LPP: variants seen among roughly 807,000 people sequenced by gnomAD.
LPP encodes the protein lipoma-preferred partner.
LPP carries 38 observed loss-of-function variants against 60.4 expected under a neutral mutation model. That is an observed-to-expected ratio of 0.63 (90% confidence interval 0.49 to 0.83). The LOEUF (loss-of-function observed/expected upper bound fraction) is 0.83, where lower values mean the gene tolerates loss of function less well. LPP is among the 40% of genes least tolerant of loss of function. LPP has a pLI of 0.00. For synonymous variants in LPP, 328 were observed against 290.8 expected, an observed-to-expected ratio of 1.13 and a Z score of -1.30; for missense variants, 902 against 783.6, an observed-to-expected ratio of 1.15 and a Z score of -1.80.
chr3:188,163,167 A>G (rs1718829071), intron 1 of LPP, among the ~76,000 whole-genome samples: 1 of 151,952 alleles, frequency 6.6e-6, no homozygotes, highest in African/African-American at 2.4e-5. Context: ...GTCTGCTTCT[A>G]CTGTTGTAAT....
intron 4 of LPP, among the ~76,000 whole-genome samples, chr3:188,423,768 T>C (rs1788512338): frequency 6.6e-6 from 1 of 152,144 alleles, no homozygotes; most frequent in Non-Finnish European, 1.5e-5. Context: ...GTTGGCCACA[T>C]AAATATCCTT....
chr3:188,541,483 G>GA (rs1473226342), intron 6 of LPP, among the ~76,000 whole-genome samples: 1 of 151,360 alleles, frequency 6.6e-6, no homozygotes, highest in African/African-American at 2.4e-5. Context: ...TCTAGAGGAG[G>GA]AAAAACCATA....
At chr3:188,480,112 C>T (rs980825950) in intron 4 of LPP, among the ~76,000 whole-genome samples, 13 of 152,312 alleles carry the variant, frequency 8.5e-5, no homozygotes, top group African/African-American at 2.6e-4. Flanking sequence ...ATCCTTTTTA[C>T]CCCTAGATTA....
intron 8 of LPP, among the ~76,000 whole-genome samples, chr3:188,715,097 A>G (rs1446882674): frequency 6.6e-6 from 1 of 152,110 alleles, no homozygotes; most frequent in African/African-American, 2.4e-5. Context: ...AGATACTTAA[A>G]AAGAACAAGG....
At position 188,283,776 on chromosome 3, in the gene LPP, G is replaced by A. The variant is rs144654484; in HGVS notation, c.-66-57887G>A. On this transcript the variant is annotated intron_variant, in intron 2 of 11. Coordinates refer to ENST00000617246, the MANE Select transcript of LPP (RefSeq NM_001375462.1). ...TATTAGGAAGGGTTGTCAGGAGTTC[G>A]AGACTAGCCTGACCAACACGGTGAA... Among the ~76,000 whole-genome samples, 30 of 152,158 alleles carry A rather than the reference G, an allele frequency of 2.0e-4. No homozygotes were observed. In the East Asian group the frequency reaches 3.7e-3, roughly 19 times the overall value.
chr3:188,631,305 C>G (rs1026984735), intron 7 of LPP, among the ~76,000 whole-genome samples: 2 of 152,112 alleles, frequency 1.3e-5, no homozygotes, highest in African/African-American at 4.8e-5. Flanking sequence ...ATCTGCACAA[C>G]TTTTATTAGT....
At chr3:188,393,123 C>T (rs924889210) in intron 3 of LPP, among the ~76,000 whole-genome samples, 2 of 151,152 alleles carry the variant, frequency 1.3e-5, no homozygotes, top group African/African-American at 4.9e-5. Flanking sequence ...CTGATAATCT[C>T]GTATGTGTGG....
intron 9 of LPP, among the ~76,000 whole-genome samples, chr3:188,797,050 G>A (rs901151519): frequency 6.6e-6 from 1 of 152,066 alleles, no homozygotes; most frequent in Non-Finnish European, 1.5e-5. Flanking sequence ...CAACAAATTG[G>A]TTGGTTTTAT....
chr3:188,170,783 T>A (rs956663931), intron 1 of LPP, among the ~76,000 whole-genome samples: 1 of 152,214 alleles, frequency 6.6e-6, no homozygotes, highest in Non-Finnish European at 1.5e-5. Flanking sequence ...CTTATTCATC[T>A]GAATCATCTT....
intron 6 of LPP, among the ~76,000 whole-genome samples, chr3:188,533,460 G>T (rs1265783352): frequency 6.6e-6 from 1 of 152,110 alleles, no homozygotes; most frequent in Non-Finnish European, 1.5e-5. Context: ...AAAGAAAATA[G>T]GTGTGGATAG....
rs56854923 is a variant in LPP, at chr3:188,599,588, C to T, written c.430-9573C>T. 5.1e-3 allele frequency among the ~76,000 whole-genome samples: 783 copies of T among 152,186 alleles called. 6 individuals carry two copies. Among genetic ancestry groups the T allele is most frequent in the African/African-American group, 0.018 (756 of 41,526 alleles). Reference sequence around the variant, plus strand: ...ACAAAAACTGCTCTGAAGTGCCACACCAGACTATACTGTTTTAACTATTTC... The same window carrying T: ...ACAAAAACTGCTCTGAAGTGCCACATCAGACTATACTGTTTTAACTATTTC... On this transcript the variant is annotated intron_variant, in intron 6 of 11. Transcript: ENST00000617246.
intron 2 of LPP, among the ~76,000 whole-genome samples, chr3:188,307,020 T>G (rs1210851824): frequency 6.6e-6 from 1 of 152,234 alleles, no homozygotes; most frequent in East Asian, 1.9e-4. Context: ...CTTCTGTGCA[T>G]ATTTTTAACT....
chr3:188,238,877 C>T (rs1322301963), intron 2 of LPP, among the ~76,000 whole-genome samples: 1 of 151,890 alleles, frequency 6.6e-6, no homozygotes, highest in Non-Finnish European at 1.5e-5. Context: ...GCTGCCTCCA[C>T]AAATCTTCTA....
intron 10 of LPP, among the ~76,000 whole-genome samples, chr3:188,868,700 G>T (rs1341619264): frequency 3.3e-5 from 5 of 152,104 alleles, no homozygotes; most frequent in African/African-American, 1.2e-4. Context: ...CCAAAGAGAG[G>T]GCAGACAAAG....
At chr3:188,202,771 C>G (rs1004371508) in intron 1 of LPP, among the ~76,000 whole-genome samples, 1 of 152,112 alleles carries the variant, frequency 6.6e-6, no homozygotes, top group Non-Finnish European at 1.5e-5. Context: ...ACTGACTAAA[C>G]ATATGTGAGA....
chr3:188,214,127 TTTTC>T (rs1379643026), intron 1 of LPP, among the ~76,000 whole-genome samples: 1 of 152,030 alleles, frequency 6.6e-6, no homozygotes. Flanking sequence ...ACTTTTTTTT[TTTTC>T]TTTCTTTCTT....
chr3:188,608,004 G>A (rs1842862808), intron 6 of LPP, among the ~76,000 whole-genome samples: 1 of 152,068 alleles, frequency 6.6e-6, no homozygotes, highest in Non-Finnish European at 1.5e-5. Context: ...AGGTTAATGG[G>A]GGGAGAGTGG....
At position 188,423,111 on chromosome 3, in the gene LPP, C is replaced by A. The variant is rs149391479; in HGVS notation, c.193+16798C>A. Among the ~76,000 whole-genome samples, 110 of 152,162 alleles carry A rather than the reference C, an allele frequency of 7.2e-4. 1 individual carries two copies. Among genetic ancestry groups the A allele is most frequent in the African/African-American group, 2.6e-3 (108 of 41,498 alleles). ...CTATCCCTCCCCTAGGCCCCCACCC[C>A]CTGACAGGACATAGTGTGTGATGTA... On this transcript the variant is annotated intron_variant, in intron 4 of 11. Transcript: ENST00000617246.
At chr3:188,477,541 A>G (rs987193486) in intron 4 of LPP, among the ~76,000 whole-genome samples, 1 of 152,150 alleles carries the variant, frequency 6.6e-6, no homozygotes, top group African/African-American at 2.4e-5. Context: ...AATGGGATGT[A>G]TCCTCAATTT....
Sources: allele counts gnomAD v4.1 joint callset (sites outside exome capture counted in the v4.1 genomes callset), GRCh38; gene constraint gnomAD v4.1.1; transcripts MANE v1.5; gene names NCBI Gene and HGNC (gene_info 2026-07-23, HGNC 2026-07-21).